Variants in BCAS3 observed in about 807,000 individuals in gnomAD.
BCAS3 encodes BCAS4/BCAS3 fusion.
A neutral mutation model predicts 116.1 loss-of-function variants in BCAS3; 53 were observed. The observed-to-expected ratio is 0.46, with a 90% CI of 0.37 to 0.57. The LOEUF is 0.57. BCAS3 is among the 20% of genes least tolerant of loss of function. The pLI is 0.00. For missense variants in BCAS3, 917 were observed against 1,165.4 expected, an observed-to-expected ratio of 0.79 and a Z score of 3.10; for synonymous variants, 391 against 408.2, an observed-to-expected ratio of 0.96 and a Z score of 0.51.
intron 22 of BCAS3, among the ~76,000 whole-genome samples, chr17:61,191,021 T>C (rs1339157669): frequency 6.6e-6 from 1 of 152,052 alleles, no homozygotes; most frequent in Non-Finnish European, 1.5e-5. Flanking sequence ...CAATGAGCTA[T>C]GCATCACCAC....
intron 7 of BCAS3, among the ~76,000 whole-genome samples, chr17:60,814,269 T>TTGTGTGTG (rs67077498): frequency 1.8e-4 from 24 of 134,920 alleles, no homozygotes; most frequent in East Asian, 4.1e-4. Context: ...TCTTGGTATT[T>TTGTGTGTG]TGTGTGTGTG....
At chr17:60,867,886 G>A (rs1269653107) in intron 7 of BCAS3, among the ~76,000 whole-genome samples, 3 of 152,002 alleles carry the variant, frequency 2.0e-5, no homozygotes, top group Non-Finnish European at 2.9e-5. Context: ...ATGGGTGTTT[G>A]CTAGTTTTTG....
intron 22 of BCAS3, among the ~76,000 whole-genome samples, chr17:61,154,932 G>A (rs549191095): frequency 6.7e-6 from 1 of 150,208 alleles, no homozygotes; most frequent in Non-Finnish European, 1.5e-5. Context: ...TTTTTTTGGT[G>A]GGGGGTGTTT....
intron 15 of BCAS3, among the ~76,000 whole-genome samples, chr17:61,001,381 A>G (rs1373383344): frequency 1.3e-5 from 2 of 152,316 alleles, no homozygotes; most frequent in South Asian, 2.1e-4. Context: ...TACGTTGATC[A>G]GTAGTTTTCT....
At chr17:60,946,454 G>A (rs2060501216) in intron 13 of BCAS3, among the ~76,000 whole-genome samples, 1 of 152,156 alleles carries the variant, frequency 6.6e-6, no homozygotes, top group Admixed American at 6.5e-5. Flanking sequence ...AACTTTCTCT[G>A]TAATAGACTC....
intron 7 of BCAS3, among the ~76,000 whole-genome samples, chr17:60,816,283 T>A (rs1277482034): frequency 6.7e-6 from 1 of 150,100 alleles, no homozygotes; most frequent in Non-Finnish European, 1.5e-5. Context: ...TCTTTTCTTT[T>A]TTTTTTTTTT....
Position 60,692,327 on chromosome 17 carries a change from C to T in BCAS3, c.214+2566C>T, listed in dbSNP as rs374742749. ...CGCGATCTCAGCTCACTGCAAGCTT[C>T]GCCTCCTGGGTTCACACCATTCTTC... On this transcript the variant is annotated intron_variant, in intron 4 of 23. Transcript: ENST00000407086. Among the ~76,000 whole-genome samples the T allele has an allele frequency of 2.5e-4, 38 of 152,226 alleles. 1 individual carries two copies. The South Asian group carries it at 3.5e-3, about 14-fold the overall frequency.
At chr17:61,350,115 C>A (rs2057739428) in intron 22 of BCAS3, among the ~76,000 whole-genome samples, 1 of 151,976 alleles carries the variant, frequency 6.6e-6, no homozygotes, top group Non-Finnish European at 1.5e-5. Flanking sequence ...TTTTTGGGTT[C>A]TTTTATTTCA....
Position 61,381,305 on chromosome 17 carries a change from A to G in BCAS3, c.2594-10672A>G, listed in dbSNP as rs2143619793. ...CTGAGCCAGCTGAATTGAATAATGA[A>G]TAGAGCCCCGGCACCAGCAGCCAGT... On this transcript the variant is annotated intron_variant, in intron 23 of 23. Coordinates refer to ENST00000407086, the MANE Select transcript of BCAS3 (RefSeq NM_017679.5). The surrounding 1 kb of genome is among the most constrained non-coding windows in gnomAD (Gnocchi z 6.0). Among the ~76,000 whole-genome samples the G allele has an allele frequency of 6.6e-6, 1 of 152,354 alleles. No individual in the cohort carries two copies. Among genetic ancestry groups the G allele is most frequent in the African/African-American group, 2.4e-5 (1 of 41,588 alleles).
intron 7 of BCAS3, among the ~76,000 whole-genome samples, chr17:60,834,530 C>T (rs1025726373): frequency 2.0e-5 from 3 of 151,934 alleles, no homozygotes; most frequent in African/African-American, 7.2e-5. Flanking sequence ...CATATGTGTA[C>T]TCAAACTAAT....
At chr17:61,165,786 T>C (rs1462483037) in intron 22 of BCAS3, among the ~76,000 whole-genome samples, 2 of 152,226 alleles carry the variant, frequency 1.3e-5, no homozygotes, top group Non-Finnish European at 2.9e-5. Flanking sequence ...TTCTCTATTT[T>C]TAAAAAGTTA....
chr17:61,326,082 T>C lies in BCAS3; in HGVS notation c.2426-42245T>C, dbSNP rs1192089956. Among the ~76,000 whole-genome samples the C allele has an allele frequency of 6.6e-6, 1 of 152,196 alleles. No individual in the cohort carries two copies. Among genetic ancestry groups the C allele is most frequent in the Non-Finnish European group, 1.5e-5 (1 of 68,038 alleles). ...CGCACTGCCCGGACACAGTGGAGCT[T>C]GTGAAGTTTGTGGTCTAGGAGGGGA... On this transcript the variant is annotated intron_variant, in intron 22 of 23. Transcript: ENST00000407086. This position sits in a 1 kb window ranked among gnomAD's most constrained non-coding sequence, Gnocchi z 5.3.
chr17:60,992,588 C>T (rs539897412), intron 15 of BCAS3, among the ~76,000 whole-genome samples: 12 of 152,108 alleles, frequency 7.9e-5, no homozygotes, highest in Non-Finnish European at 1.3e-4. Flanking sequence ...ACGCTCACTA[C>T]GTGTGACAGG....
chr17:60,697,060 T>A (rs1196102512), intron 4 of BCAS3, among the ~76,000 whole-genome samples: 1 of 151,770 alleles, frequency 6.6e-6, no homozygotes. Flanking sequence ...TATGGTGGTA[T>A]GTCCCTGTAG....
chr17:61,232,296 T>C (rs2082734075), intron 22 of BCAS3, among the ~76,000 whole-genome samples: 1 of 151,482 alleles, frequency 6.6e-6, no homozygotes, highest in Non-Finnish European at 1.5e-5. Flanking sequence ...CTGTGTAGTG[T>C]GCTTTGTTTC....
chr17:61,073,577 A>G lies in BCAS3; in HGVS notation c.2030-1343A>G, dbSNP rs2071642258. 6.6e-6 allele frequency among the ~76,000 whole-genome samples: 1 copy of G among 152,156 alleles called. No individual in the cohort carries two copies. The highest frequency in any genetic ancestry group is 2.4e-5 in the African/African-American group (1 of 41,434). ...TGGGAACATATATTAAGAAATTTAT[A>G]TATTTACATCCTCTGATTTCATATG... On this transcript the variant is annotated intron_variant, in intron 19 of 23. Transcript: ENST00000407086. The surrounding 1 kb of genome is among the most constrained non-coding windows in gnomAD (Gnocchi z 4.6).
intron 6 of BCAS3, among the ~76,000 whole-genome samples, chr17:60,806,381 C>T (rs777321355): frequency 2.0e-5 from 3 of 152,080 alleles, no homozygotes; most frequent in Non-Finnish European, 2.9e-5. Flanking sequence ...ATCAAAGAGC[C>T]GGTCAGCGTG....
chr17:61,111,321 G>T (rs1349967129), intron 22 of BCAS3, among the ~76,000 whole-genome samples: 1 of 151,546 alleles, frequency 6.6e-6, no homozygotes, highest in Non-Finnish European at 1.5e-5. Context: ...CACAGGCAAA[G>T]AAGTTGAAAA....
At chr17:60,907,679 C>T (rs1237505270) in intron 11 of BCAS3, among the ~76,000 whole-genome samples, 4 of 152,132 alleles carry the variant, frequency 2.6e-5, no homozygotes, top group African/African-American at 9.7e-5. Context: ...ATTTAATGAA[C>T]ATTTTTATGT....
Sources: gnomAD v4.1 joint callset for allele counts (sites outside exome capture counted in the v4.1 genomes callset) on GRCh38, gnomAD v4.1.1 for gene constraint, Gnocchi (gnomAD v3.1) non-coding constraint, MANE v1.5 for transcripts, NCBI Gene and HGNC (gene_info 2026-07-23, HGNC 2026-07-21) for gene names.